FAM186A: variants seen among roughly 807,000 people sequenced by gnomAD.
FAM186A encodes protein FAM186A.
A neutral mutation model predicts 216.8 loss-of-function variants in FAM186A; 163 were observed. The observed-to-expected ratio is 0.75, with a 90% CI of 0.66 to 0.86. The LOEUF is 0.86. Ranked by LOEUF, FAM186A falls within the 40% of genes least tolerant of loss-of-function variation. FAM186A has a pLI of 0.00. For synonymous variants in FAM186A, 805 were observed against 1,025.3 expected, an observed-to-expected ratio of 0.79 and a Z score of 4.10; for missense variants, 2,184 against 2,746.2, an observed-to-expected ratio of 0.80 and a Z score of 4.58.
intron 4 of FAM186A, among the ~76,000 whole-genome samples, chr12:50,337,289 C>CTTTTTT (rs71441358): frequency 4.3e-5 from 3 of 69,668 alleles, no homozygotes; most frequent in African/African-American, 6.0e-5. Context: ...AGAGATAATT[C>CTTTTTT]TTTTTTTTTT....
chr12:50,351,772 A>G lies in FAM186A; in HGVS notation c.5060T>C (p.Leu1687Ser). ...LEQAQEQLLK[L>S]GVPLTLDKAH... The stretch of plus-strand genomic sequence containing the variant: ...TTTATCTAAGGTGAGAGGAACCCCT[A>G]ACTTCAATAACTGTTCTTGAGCCTG... Residue 1687 changes from leucine (L) to serine (S), a missense_variant, in exon 4 of 8, where the codon TTA becomes TCA. Leu to Ser is a moderately radical substitution (Grantham distance 145). Coordinates refer to ENST00000327337, the MANE Select transcript of FAM186A (RefSeq NM_001145475.3). 1 of 1,550,924 alleles carries G rather than the reference A, an allele frequency of 6.4e-7. No individual in the cohort carries two copies. The highest frequency in any genetic ancestry group is 8.7e-7 in the Non-Finnish European group (1 of 1,146,596).
rs562063942 is a variant in FAM186A at position 50,354,580 on chromosome 12, T to A, written c.2252A>T (p.Lys751Ile). ...KEEQVGEKPI[K>I]QKKVVSFMPG... is the part of the protein sequence containing the mutation. ...CATAAATGAGACTACCTTTTTTTGT[T>A]TTATAGGTTTCTCTCCAACTTGTTC... Residue 751 changes from lysine to isoleucine, a missense_variant, in exon 4 of 8, where the codon AAA (lysine) becomes ATA (isoleucine). By Grantham distance (102) the Lys-to-Ile change is moderately radical. This residue lies in a region of FAM186A where 1,132 missense variants were observed against 1,263.4 expected (regional missense o/e 0.90). Transcript: ENST00000327337. The A allele has an allele frequency of 3.9e-5, 60 of 1,550,398 alleles. 1 individual carries two copies. In the South Asian group the frequency reaches 6.6e-4, roughly 17 times the overall value.
At chr12:50,334,176 T>A in intron 4 of FAM186A, 73 bp from the exon 5 acceptor site, 2 of 451,262 alleles carry the variant, frequency 4.4e-6, no homozygotes, top group Non-Finnish European at 6.3e-6. Context: ...CCTCAGTTTC[T>A]TTTTTTTTTT....
At chr12:50,364,992 C>T (rs184451815) in intron 1 of FAM186A, among the ~76,000 whole-genome samples, 44 of 147,696 alleles carry the variant, frequency 3.0e-4, no homozygotes, top group African/African-American at 5.8e-4. Flanking sequence ...GAGCCGAGAT[C>T]GCACCATTGC....
intron 1 of FAM186A, among the ~76,000 whole-genome samples, chr12:50,389,682 G>A (rs753197701): frequency 2.0e-4 from 31 of 152,078 alleles, no homozygotes; most frequent in Admixed American, 4.6e-4. Flanking sequence ...AGATCATAGC[G>A]GCATACCAGG....
At chr12:50,346,244 A>AGAAAGAAAGAAAGAAAGAAAGAAG in intron 4 of FAM186A, among the ~76,000 whole-genome samples, 1 of 150,278 alleles carries the variant, frequency 6.7e-6, no homozygotes, top group East Asian at 2.0e-4. Context: ...AAAAAAAGAA[A>AGAAAGAAAGAAAGAAAGAAAGAAG]GAAAGAAAGA....
At chr12:50,392,504 C>T (rs949288749) in intron 1 of FAM186A, 1 of 152,174 alleles carries the variant, frequency 6.6e-6, no homozygotes, top group Non-Finnish European at 1.5e-5. Context: ...TGGTCTCGAT[C>T]TCCTGACCTT....
At position 50,360,933 on chromosome 12, in the gene FAM186A, G is replaced by C. The variant is rs745716390; in HGVS notation, c.413-7C>G. 3.1e-5 allele frequency: 47 copies of C among 1,522,122 alleles called. 1 individual carries two copies. In the Admixed American group the frequency reaches 1.1e-3, roughly 35 times the overall value. 94.3% of individuals were successfully genotyped at this position (1,522,122 alleles called of 1,614,324 possible). On this transcript the variant is annotated splice_polypyrimidine_tract_variant and splice_region_variant and intron_variant, in intron 2 of 7. Transcript: ENST00000327337. ...ATCTCAGACAAAACATCATCTTGAA[G>C]AGAGTAAAAAAAAAATCATTTTTGT...
intron 1 of FAM186A, chr12:50,392,656 T>C (rs1413325459): frequency 6.7e-6 from 1 of 149,446 alleles, no homozygotes; most frequent in Non-Finnish European, 1.5e-5. Context: ...TGGAGTGCAA[T>C]GGCGCTGTCT....
intron 4 of FAM186A, among the ~76,000 whole-genome samples, chr12:50,334,363 G>A (rs1942687142): frequency 6.6e-6 from 1 of 151,704 alleles, no homozygotes; most frequent in South Asian, 2.1e-4. Context: ...GTAGAGACGG[G>A]GTTTCTCCAT....
At chr12:50,372,600 A>C (rs1484845505) in intron 1 of FAM186A, among the ~76,000 whole-genome samples, 1 of 151,394 alleles carries the variant, frequency 6.6e-6, no homozygotes, top group Non-Finnish European at 1.5e-5. Flanking sequence ...TCTCAAAAAA[A>C]AAAAAAGAAA....
intron 1 of FAM186A, among the ~76,000 whole-genome samples, chr12:50,395,765 CT>C (rs995592938): frequency 1.6e-3 from 230 of 145,532 alleles, no homozygotes; most frequent in Non-Finnish European, 1.6e-3. Context: ...CAAATGAAAA[CT>C]TTTTTTTTTT....
chr12:50,371,544 A>G (rs970872226), intron 1 of FAM186A, among the ~76,000 whole-genome samples: 3 of 152,198 alleles, frequency 2.0e-5, no homozygotes, highest in Non-Finnish European at 4.4e-5. Flanking sequence ...AGCCAGTCAT[A>G]AAAAGACAAA....
In FAM186A at chr12:50,353,453, G is replaced by A. The variant is rs1449917085; in HGVS notation, c.3379C>T (p.Gln1127Ter). Residue 1127 changes from glutamine (Q) to a stop codon, truncating the protein, a stop_gained, in exon 4 of 8, where the codon CAG becomes TAG. Coordinates refer to ENST00000327337, the MANE Select transcript of FAM186A (RefSeq NM_001145475.3). LOFTEE classifies it high-confidence loss of function. The stretch of plus-strand genomic sequence containing the variant: ...AGAGGGATCCCCAGGGCCTGCGCCT[G>A]CTGAGGGGTGAAAAGGATCTCCAGG... Reference protein sequence around the residue: ...QALEILFTPQQAQALGIPLTP... With the variant: ...QALEILFTPQ 1 of 1,528,378 alleles carries A rather than the reference G, an allele frequency of 6.5e-7. No individual in the cohort carries two copies. The highest frequency in any genetic ancestry group is 2.5e-5 in the East Asian group (1 of 39,644). 94.7% of individuals were successfully genotyped at this position (1,528,378 alleles called of 1,614,324 possible). A position where few individuals can be genotyped will look rare whatever the true frequency, so the allele number is the denominator to read the frequency against.
intron 1 of FAM186A, among the ~76,000 whole-genome samples, chr12:50,390,696 G>T (rs1487985725): frequency 2.0e-5 from 3 of 152,096 alleles, no homozygotes; most frequent in Non-Finnish European, 4.4e-5. Flanking sequence ...CACTGTTAAG[G>T]TCTGAACTCT....
intron 1 of FAM186A, among the ~76,000 whole-genome samples, chr12:50,363,639 T>C (rs1247279819): frequency 2.0e-5 from 3 of 152,122 alleles, no homozygotes; most frequent in South Asian, 4.1e-4. Flanking sequence ...AAAATGACTT[T>C]TAATAAATCA....
At chr12:50,394,732 C>CTTTTTTTTTTTTTTT (rs71083561) in intron 1 of FAM186A, among the ~76,000 whole-genome samples, 868 of 29,406 alleles carry the variant, frequency 0.03, 167 homozygotes, top group Non-Finnish European at 0.032. Context: ...GGCTAACACT[C>CTTTTTTTTTTTTTTT]TTTTTTTTTT....
At chr12:50,390,600 A>G (rs150230919) in intron 1 of FAM186A, among the ~76,000 whole-genome samples, 4 of 152,226 alleles carry the variant, frequency 2.6e-5, no homozygotes, top group African/African-American at 9.6e-5. Context: ...GCTGTCCATT[A>G]CAGTAATCAT....
Position 50,335,138 on chromosome 12 carries a change from A to G in FAM186A, c.6504-1035T>C, listed in dbSNP as rs552532960. ...TGGGCATGGTGGCACATACCTGTAG[A>G]CACAGCCACTCAGGAGGCTGAGGTG... On this transcript the variant is annotated intron_variant, in intron 4 of 7. Transcript: ENST00000327337. Among the ~76,000 whole-genome samples the G allele has an allele frequency of 1.3e-3, 193 of 152,100 alleles. 2 individuals carry two copies. Among genetic ancestry groups the G allele is most frequent in the Non-Finnish European group, 1.5e-3 (100 of 67,988 alleles).
Sources: allele counts gnomAD v4.1 joint callset (sites outside exome capture counted in the v4.1 genomes callset), GRCh38; gene constraint gnomAD v4.1.1; regional missense constraint gnomAD v4.1.1; transcripts MANE v1.5; gene names NCBI Gene and HGNC (gene_info 2026-07-23, HGNC 2026-07-21).